DNAH14: variants seen among roughly 807,000 people sequenced by gnomAD.
The protein encoded by DNAH14 is dynein axonemal heavy chain 14.
Under a neutral mutation model 520.9 loss-of-function variants are expected in DNAH14, and 478 were observed. The ratio of observed to expected loss-of-function variants is 0.92; its 90% CI spans 0.85 to 0.99. DNAH14 has a LOEUF of 0.99. DNAH14 is among the 50% of genes least tolerant of loss of function. The probability of loss-of-function intolerance (pLI) is 0.00; values close to 1 mark genes in which losing one functional copy is unlikely to be tolerated. For synonymous variants in DNAH14, 1,581 were observed against 1,757.2 expected (o/e 0.90, Z 2.51); for missense variants, 4,831 against 5,234.5 (o/e 0.92, Z 2.38).
rs755155764 is a variant in DNAH14 at position 225,333,442 on chromosome 1, T to A, written c.10016T>A (p.Ile3339Asn). Residue 3339 changes from isoleucine (I) to asparagine (N), a missense_variant, in exon 66 of 86, where the codon ATT (isoleucine) becomes AAT (asparagine). By Grantham distance (149) the Ile-to-Asn change is moderately radical. Transcript: ENST00000682510. ...GTGAATAAATGGGAGACATTCTGCA[T>A]TGAAAATGGCATTTCTTTGTCTTCC... ...LIVNKWETFC[I>N]ENGISLSSKF... The A allele has an allele frequency of 6.4e-7, 1 of 1,551,346 alleles. No individual in the cohort carries two copies. The highest frequency in any genetic ancestry group is 1.4e-5 in the African/African-American group (1 of 73,030).
intron 33 of DNAH14, 79 bp downstream of exon 33, chr1:225,152,962 C>T: frequency 7.1e-7 from 1 of 1,398,652 alleles, no homozygotes; most frequent in Non-Finnish European, 9.7e-7. Flanking sequence ...TGGATTGGTC[C>T]AGGGATGACC....
intron 44 of DNAH14, among the ~76,000 whole-genome samples, chr1:225,256,338 G>A (rs76564587): frequency 0.05 from 7,576 of 152,196 alleles, 291 homozygotes; most frequent in Non-Finnish European, 0.073. Flanking sequence ...CCACAGTGGC[G>A]GCTGGAGTAG....
intron 76 of DNAH14, 112 bp from the exon 77 acceptor site, chr1:225,367,693 A>G (rs892940942): frequency 2.7e-6 from 2 of 735,152 alleles, no homozygotes; most frequent in African/African-American, 1.8e-5. Flanking sequence ...AATCTTGAAA[A>G]TAGTTACATT....
intron 21 of DNAH14, among the ~76,000 whole-genome samples, chr1:225,092,479 C>A (rs2074485539): frequency 6.6e-6 from 1 of 151,970 alleles, no homozygotes; most frequent in Admixed American, 6.6e-5. Flanking sequence ...TTCTTTGAAA[C>A]TAATGAGAAC....
intron 1 of DNAH14, among the ~76,000 whole-genome samples, chr1:224,951,861 A>G (rs919954782): frequency 2.0e-5 from 3 of 151,794 alleles, no homozygotes; most frequent in Non-Finnish European, 2.9e-5. Flanking sequence ...CCGTGGTCTC[A>G]ATCTCCTGAC....
At chr1:225,360,161 T>C (rs564822752) in intron 74 of DNAH14, among the ~76,000 whole-genome samples, 1 of 152,364 alleles carries the variant, frequency 6.6e-6, no homozygotes, top group South Asian at 2.1e-4. Context: ...CCCATGTCTC[T>C]GCAAAGGAAA....
chr1:225,139,858 C>T (rs1401277567), intron 27 of DNAH14, among the ~76,000 whole-genome samples: 1 of 152,166 alleles, frequency 6.6e-6, no homozygotes, highest in Non-Finnish European at 1.5e-5. Context: ...TCTTGTCTTC[C>T]CAGACTCTTG....
intron 54 of DNAH14, among the ~76,000 whole-genome samples, chr1:225,284,768 A>G (rs1268629236): frequency 1.3e-5 from 2 of 152,208 alleles, no homozygotes; most frequent in Non-Finnish European, 2.9e-5. Context: ...CCAGCAACAT[A>G]TAGCAAGTAT....
intron 17 of DNAH14, among the ~76,000 whole-genome samples, chr1:225,078,862 C>G (rs1455343558): frequency 1.6e-4 from 5 of 30,812 alleles, no homozygotes; most frequent in Non-Finnish European, 2.3e-4. Flanking sequence ...CTCTCTCCCT[C>G]TCTCTCTCTC....
intron 36 of DNAH14, among the ~76,000 whole-genome samples, chr1:225,182,040 C>CA (rs59611722): frequency 0.047 from 7,096 of 150,864 alleles, 505 homozygotes; most frequent in African/African-American, 0.16. Flanking sequence ...ATAAAAATAC[C>CA]AAAAAAAAAT....
chr1:225,277,340 G>A (rs2093510783), intron 53 of DNAH14, 70 bp from the exon 54 acceptor site: 1 of 421,336 alleles, frequency 2.4e-6, no homozygotes, highest in Non-Finnish European at 5.0e-6. Context: ...TAAATTGTAT[G>A]TAAAACCACA....
chr1:225,345,009 G>A (rs1217923699), intron 69 of DNAH14, among the ~76,000 whole-genome samples: 1 of 152,054 alleles, frequency 6.6e-6, no homozygotes, highest in African/African-American at 2.4e-5. Flanking sequence ...CACCACACCT[G>A]GCCAGAAACT....
At chr1:225,035,472 G>A (rs1473498308) in intron 11 of DNAH14, among the ~76,000 whole-genome samples, 1 of 150,892 alleles carries the variant, frequency 6.6e-6, no homozygotes, top group Non-Finnish European at 1.5e-5. Context: ...CATTCTTTAA[G>A]ATGTATCATT....
chr1:225,212,519 C>A (rs574275681), intron 41 of DNAH14, among the ~76,000 whole-genome samples: 2 of 152,134 alleles, frequency 1.3e-5, no homozygotes, highest in Non-Finnish European at 2.9e-5. Flanking sequence ...TACAGTCCCA[C>A]CAACAGTGTA....
intron 8 of DNAH14, among the ~76,000 whole-genome samples, chr1:224,977,879 A>G (rs1409593867): frequency 6.6e-6 from 1 of 152,198 alleles, no homozygotes; most frequent in Non-Finnish European, 1.5e-5. Flanking sequence ...CATTTCTCAA[A>G]AGAAGGAATA....
At chr1:225,356,377 A>G (rs186774618) in intron 73 of DNAH14, among the ~76,000 whole-genome samples, 133 of 152,260 alleles carry the variant, frequency 8.7e-4, no homozygotes, top group Non-Finnish European at 1.5e-3. Context: ...ACTTCCTGAC[A>G]CTGAAGTTGA....
chr1:225,307,756 A>G (rs1284201145), intron 59 of DNAH14, among the ~76,000 whole-genome samples, 187 bp downstream of exon 59: 2 of 152,228 alleles, frequency 1.3e-5, no homozygotes, highest in Non-Finnish European at 2.9e-5. Context: ...GAGAAGAACA[A>G]AAAAGCAGTA....
intron 43 of DNAH14, among the ~76,000 whole-genome samples, chr1:225,247,589 T>C (rs2092358516): frequency 6.6e-6 from 1 of 152,192 alleles, no homozygotes; most frequent in African/African-American, 2.4e-5. Context: ...CATTTGACGA[T>C]ATAATATCAG....
intron 55 of DNAH14, 58 bp downstream of exon 55, chr1:225,290,140 T>G: frequency 2.5e-6 from 3 of 1,195,018 alleles, no homozygotes; most frequent in Non-Finnish European, 3.3e-6. Context: ...GGCTACCCCC[T>G]CCCCAAAAAT....
Sources: gnomAD v4.1 joint callset for allele counts (sites outside exome capture counted in the v4.1 genomes callset) on GRCh38, gnomAD v4.1.1 for gene constraint, MANE v1.5 for transcripts, NCBI Gene and HGNC (gene_info 2026-07-23, HGNC 2026-07-21) for gene names.